Variants in ROBO1 observed in about 807,000 individuals in gnomAD.
The protein encoded by ROBO1 is roundabout homolog 1.
ROBO1 carries 149 observed loss-of-function variants against 195.9 expected under a neutral mutation model. The ratio of observed to expected loss-of-function variants is 0.76; its 90% CI spans 0.67 to 0.87. The LOEUF (loss-of-function observed/expected upper bound fraction) is 0.87. Among genes scored for constraint, ROBO1 ranks in the 40% least tolerant of loss-of-function variants. ROBO1 has a pLI of 0.00. For missense variants in ROBO1, 1,933 were observed against 2,068.3 expected (o/e 0.93, Z 1.27); for synonymous variants, 816 against 733.2 (o/e 1.11, Z -1.82).
chr3:79,369,738 C>T (rs948564096), intron 2 of ROBO1, among the ~76,000 whole-genome samples: 1 of 149,830 alleles, frequency 6.7e-6, no homozygotes, highest in South Asian at 2.1e-4. Flanking sequence ...TGGTCTAATT[C>T]TAACATTATG....
In ROBO1 at chr3:78,705,680, C is replaced by A. The variant is rs535744743; in HGVS notation, c.1045+8717G>T. ...TTCTGGAAGAGATTAGCATTTGATA[C>A]TGTTAACTGAGTAAAGAAGACATGC... is the stretch of plus-strand genomic sequence containing the variant. On this transcript the variant is annotated intron_variant, in intron 8 of 30. Coordinates refer to ENST00000464233, the MANE Select transcript of ROBO1 (RefSeq NM_002941.4). 5.3e-5 allele frequency among the ~76,000 whole-genome samples: 8 copies of A among 152,236 alleles called. No homozygotes were observed. In the East Asian group the frequency reaches 1.4e-3, roughly 26 times the overall value.
intron 3 of ROBO1, among the ~76,000 whole-genome samples, chr3:79,124,448 T>C (rs1174630575): frequency 6.6e-6 from 1 of 152,194 alleles, no homozygotes; most frequent in Non-Finnish European, 1.5e-5. Flanking sequence ...AAGTAAAATA[T>C]CAAGTCTATT....
At position 78,598,856 on chromosome 3, in the gene ROBO1, A is replaced by G. The variant is rs1702995329; in HGVS notation, c.*57T>C. The G allele has an allele frequency of 4.1e-6, 5 of 1,231,512 alleles. No homozygotes were observed. The South Asian group carries it at 7.2e-5, about 18-fold the overall frequency. 76.3% of individuals were successfully genotyped at this position (1,231,512 alleles called of 1,614,324 possible). A position where few individuals can be genotyped will look rare whatever the true frequency, so the allele number is the denominator to read the frequency against. ...TATCTGGCGTCATGTGTCATCTGAC[A>G]GGAGGCATCTTGAGTGATGATTTTC... On this transcript the variant is annotated 3_prime_UTR_variant, in exon 31 of 31. Transcript: ENST00000464233.
At chr3:79,653,731 A>C (rs1361997746) in intron 1 of ROBO1, among the ~76,000 whole-genome samples, 1 of 151,866 alleles carries the variant, frequency 6.6e-6, no homozygotes, top group Non-Finnish European at 1.5e-5. Flanking sequence ...GTTGTTCAAT[A>C]ATGTCAGATG....
chr3:78,963,508 TTTTTTTTTTTTTC>T (rs1264992575), intron 3 of ROBO1, among the ~76,000 whole-genome samples: 2 of 122,840 alleles, frequency 1.6e-5, no homozygotes, highest in Admixed American at 7.9e-5. Flanking sequence ...TTTTTTTTTT[TTTTTTTTTTTTTC>T]TTTTTTTTTT....
intron 4 of ROBO1, among the ~76,000 whole-genome samples, chr3:78,753,979 G>A (rs1042450021): frequency 6.6e-6 from 1 of 152,082 alleles, no homozygotes; most frequent in Non-Finnish European, 1.5e-5. Flanking sequence ...AATATTTGTA[G>A]ATGTGTTTAT....
At chr3:78,821,849 A>C (rs2031007621) in intron 4 of ROBO1, among the ~76,000 whole-genome samples, 1 of 152,176 alleles carries the variant, frequency 6.6e-6, no homozygotes, top group Admixed American at 6.5e-5. Flanking sequence ...TCTTTGCTCC[A>C]GAAGCAGATC....
chr3:79,569,673 G>GTA (rs35772632), intron 2 of ROBO1, among the ~76,000 whole-genome samples: 4 of 85,702 alleles, frequency 4.7e-5, no homozygotes, highest in African/African-American at 2.2e-4. Flanking sequence ...GTGTGTGTGT[G>GTA]TATATATGTG....
chr3:79,535,613 T>C (rs973593092), intron 2 of ROBO1, among the ~76,000 whole-genome samples: 1 of 152,220 alleles, frequency 6.6e-6, no homozygotes, highest in Non-Finnish European at 1.5e-5. Flanking sequence ...ATGAGCATGA[T>C]GTCAATCCTA....
intron 3 of ROBO1, among the ~76,000 whole-genome samples, chr3:78,976,112 C>G (rs1311969325): frequency 1.3e-5 from 2 of 152,106 alleles, no homozygotes; most frequent in African/African-American, 4.8e-5. Flanking sequence ...AAGTGCTAAG[C>G]AAAACAGACT....
At chr3:79,277,142 T>C (rs1469031386) in intron 2 of ROBO1, among the ~76,000 whole-genome samples, 1 of 151,976 alleles carries the variant, frequency 6.6e-6, no homozygotes, top group Admixed American at 6.6e-5. Flanking sequence ...AAAAAAAATT[T>C]GTATATTGAA....
At chr3:79,541,950 A>T (rs1204822742) in intron 2 of ROBO1, among the ~76,000 whole-genome samples, 1 of 151,506 alleles carries the variant, frequency 6.6e-6, no homozygotes, top group Non-Finnish European at 1.5e-5. Context: ...TATATAGTGT[A>T]TATAATTTAA....
At chr3:79,528,300 G>T (rs1375519440) in intron 2 of ROBO1, among the ~76,000 whole-genome samples, 1 of 151,886 alleles carries the variant, frequency 6.6e-6, no homozygotes, top group Non-Finnish European at 1.5e-5. Flanking sequence ...TTTCTCCCTT[G>T]ATTTACTTTG....
intron 4 of ROBO1, among the ~76,000 whole-genome samples, chr3:78,774,553 G>C (rs570930516): frequency 6.6e-6 from 1 of 151,634 alleles, no homozygotes; most frequent in South Asian, 2.1e-4. Context: ...CTTGTGATCC[G>C]ACAGCCTTGG....
At chr3:79,425,066 C>T (rs372173137) in intron 2 of ROBO1, among the ~76,000 whole-genome samples, 1 of 152,178 alleles carries the variant, frequency 6.6e-6, no homozygotes, top group South Asian at 2.1e-4. Context: ...TTCCATCTGA[C>T]TCACTCGTCA....
chr3:79,524,393 A>C (rs1011526164), intron 2 of ROBO1, among the ~76,000 whole-genome samples: 1 of 152,126 alleles, frequency 6.6e-6, no homozygotes, highest in Non-Finnish European at 1.5e-5. Context: ...CCTTAGATTA[A>C]GCATACCTAG....
intron 2 of ROBO1, among the ~76,000 whole-genome samples, chr3:79,454,437 G>C (rs1002571274): frequency 5.3e-5 from 8 of 151,956 alleles, no homozygotes; most frequent in Non-Finnish European, 1.2e-4. Flanking sequence ...ACTTACAGAC[G>C]TAAACTGAAG....
At chr3:78,818,548 G>T (rs1338394916) in intron 4 of ROBO1, among the ~76,000 whole-genome samples, 1 of 152,204 alleles carries the variant, frequency 6.6e-6, no homozygotes, top group African/African-American at 2.4e-5. Flanking sequence ...AGGAGGCCAT[G>T]ATAATGTCTT....
chr3:79,747,853 A>G (rs1209318864), intron 1 of ROBO1, among the ~76,000 whole-genome samples: 3 of 152,092 alleles, frequency 2.0e-5, no homozygotes, highest in Non-Finnish European at 4.4e-5. Context: ...GATAGGATAA[A>G]TGATCAAATA....
Sources: allele counts gnomAD v4.1 joint callset (sites outside exome capture counted in the v4.1 genomes callset), GRCh38; gene constraint gnomAD v4.1.1; transcripts MANE v1.5; gene names NCBI Gene and HGNC (gene_info 2026-07-23, HGNC 2026-07-21).